Variants in GPC5 observed in about 807,000 individuals in gnomAD.
GPC5 encodes glypican 5.
A neutral mutation model predicts 53.9 loss-of-function variants in GPC5; 47 were observed. The ratio of observed to expected loss-of-function variants is 0.87; its 90% confidence interval spans 0.69 to 1.11. The LOEUF (loss-of-function observed/expected upper bound fraction) is 1.11. Ranked by LOEUF, GPC5 falls within the 50% of genes most tolerant of loss-of-function variation. The pLI is 0.00. For synonymous variants in GPC5, 286 were observed against 263.3 expected, an observed-to-expected ratio of 1.09 and a Z score of -0.84; for missense variants, 748 against 713.1, an observed-to-expected ratio of 1.05 and a Z score of -0.56.
chr13:92,218,097 A>T (rs184323805), intron 7 of GPC5, among the ~76,000 whole-genome samples: 153 of 151,314 alleles, frequency 1.0e-3, no homozygotes, highest in African/African-American at 3.5e-3. Flanking sequence ...CTAATTTTTA[A>T]AAAAAAATTT....
At chr13:91,511,239 T>C (rs1397383365) in intron 2 of GPC5, among the ~76,000 whole-genome samples, 1 of 152,182 alleles carries the variant, frequency 6.6e-6, no homozygotes, top group Non-Finnish European at 1.5e-5. Context: ...AGTGAGAAGA[T>C]AGCTGTAATT....
chr13:91,612,347 A>G (rs1412059166), intron 2 of GPC5, among the ~76,000 whole-genome samples: 1 of 152,220 alleles, frequency 6.6e-6, no homozygotes, highest in Non-Finnish European at 1.5e-5. Flanking sequence ...GCAATGTTGC[A>G]TTTGAAATGC....
chr13:92,809,297 T>A (rs574316814), intron 7 of GPC5, among the ~76,000 whole-genome samples: 34 of 152,294 alleles, frequency 2.2e-4, no homozygotes, highest in South Asian at 2.1e-3. Context: ...ATATAGATAC[T>A]TAAAAGGCAA....
chr13:92,156,473 GCA>G (rs1269459393), intron 7 of GPC5, among the ~76,000 whole-genome samples: 2 of 152,008 alleles, frequency 1.3e-5, no homozygotes, highest in Non-Finnish European at 2.9e-5. Flanking sequence ...TGTTTCTTCT[GCA>G]CACATGCTGA....
Position 92,124,408 on chromosome 13 carries a change from C to A in GPC5, c.1402-20422C>A, listed in dbSNP as rs546111220. On this transcript the variant is annotated intron_variant, in intron 6 of 7. Coordinates refer to ENST00000377067, the MANE Select transcript of GPC5 (RefSeq NM_004466.6). ...TGGTAGAAACTGTTTAAAAAAGGTTCTTTTTACTTGAAATTACACAAGAAA... is the reference window on the plus strand; with the variant it reads ...TGGTAGAAACTGTTTAAAAAAGGTTATTTTTACTTGAAATTACACAAGAAA... Among the ~76,000 whole-genome samples the A allele has an allele frequency of 5.3e-5, 8 of 152,100 alleles. No homozygotes were observed. In the South Asian group the frequency reaches 1.7e-3, roughly 32 times the overall value.
chr13:92,307,072 A>G (rs1326005942), intron 7 of GPC5, among the ~76,000 whole-genome samples: 1 of 152,200 alleles, frequency 6.6e-6, no homozygotes, highest in East Asian at 1.9e-4. Flanking sequence ...GGATATTGGA[A>G]ACGTCTGCTA....
intron 6 of GPC5, among the ~76,000 whole-genome samples, chr13:91,931,113 T>A (rs764421979): frequency 4.6e-5 from 7 of 152,094 alleles, no homozygotes; most frequent in Non-Finnish European, 8.8e-5. Flanking sequence ...CTCCTTCATA[T>A]GATTTTCTAT....
chr13:91,884,616 T>C (rs2039303201), intron 5 of GPC5, among the ~76,000 whole-genome samples: 1 of 152,228 alleles, frequency 6.6e-6, no homozygotes, highest in African/African-American at 2.4e-5. Flanking sequence ...ATCTGAATTG[T>C]ATTTCTGAGA....
In GPC5 at chr13:91,648,239, G is replaced by C. The variant is rs1031614838; in HGVS notation, c.326-44948G>C. On this transcript the variant is annotated intron_variant, in intron 2 of 7. Transcript: ENST00000377067. ...TACAAATTGATTTTATGTCAGGCATGATCCTAGACACTGGAGCACATGTGC... is the reference window on the plus strand; with the variant it reads ...TACAAATTGATTTTATGTCAGGCATCATCCTAGACACTGGAGCACATGTGC... 1.1e-4 allele frequency among the ~76,000 whole-genome samples: 17 copies of C among 152,170 alleles called. 1 individual carries two copies. The highest frequency in any genetic ancestry group is 2.2e-4 in the Non-Finnish European group (15 of 68,030).
chr13:91,548,946 A>G (rs1475395909), intron 2 of GPC5, among the ~76,000 whole-genome samples: 2 of 152,152 alleles, frequency 1.3e-5, no homozygotes, highest in Non-Finnish European at 2.9e-5. Context: ...CACAAAAATC[A>G]ACTCAAAGTG....
At chr13:92,023,108 A>C (rs2040772482) in intron 6 of GPC5, among the ~76,000 whole-genome samples, 2 of 152,132 alleles carry the variant, frequency 1.3e-5, no homozygotes, top group African/African-American at 4.8e-5. Flanking sequence ...TTTTAGAATA[A>C]ACAAAGTGAT....
At chr13:92,097,802 A>C (rs903658236) in intron 6 of GPC5, among the ~76,000 whole-genome samples, 1 of 152,214 alleles carries the variant, frequency 6.6e-6, no homozygotes, top group East Asian at 1.9e-4. Flanking sequence ...CTGTAAATGC[A>C]TGCTATATTT....
intron 3 of GPC5, among the ~76,000 whole-genome samples, chr13:91,714,741 T>C (rs2036298841): frequency 6.6e-6 from 1 of 151,754 alleles, no homozygotes; most frequent in Non-Finnish European, 1.5e-5. Flanking sequence ...AGGAAAAGTC[T>C]ATGGCATTAA....
rs141831145 is a variant in GPC5, at chr13:92,428,555, A to T, written c.1561+283566A>T. 2.7e-3 allele frequency among the ~76,000 whole-genome samples: 412 copies of T among 152,198 alleles called. 3 individuals carry two copies. Among genetic ancestry groups the T allele is most frequent in the African/African-American group, 9.5e-3 (393 of 41,552 alleles). Reference sequence around the variant, plus strand: ...GGGTGTCTGATCATTGTTGGCTCAAATATATCTTGCTCAGAGAAACTGAGT... The same window carrying T: ...GGGTGTCTGATCATTGTTGGCTCAATTATATCTTGCTCAGAGAAACTGAGT... On this transcript the variant is annotated intron_variant, in intron 7 of 7. Coordinates refer to ENST00000377067, the MANE Select transcript of GPC5 (RefSeq NM_004466.6).
At chr13:92,083,030 T>A (rs1223433333) in intron 6 of GPC5, among the ~76,000 whole-genome samples, 1 of 152,158 alleles carries the variant, frequency 6.6e-6, no homozygotes. Flanking sequence ...ATTTATTGAG[T>A]TTATTCCCTT....
At chr13:91,549,224 A>G (rs550314649) in intron 2 of GPC5, among the ~76,000 whole-genome samples, 61 of 151,650 alleles carry the variant, frequency 4.0e-4, no homozygotes, top group African/African-American at 1.4e-3. Context: ...AGCCAAAATC[A>G]TGCCATTGTA....
intron 2 of GPC5, among the ~76,000 whole-genome samples, chr13:91,472,371 TG>T (rs2139183953): frequency 6.6e-6 from 1 of 152,316 alleles, no homozygotes; most frequent in Non-Finnish European, 1.5e-5. Context: ...ACTCTTGTTT[TG>T]CTACTTTAGA....
At chr13:91,503,334 C>T (rs768721415) in intron 2 of GPC5, among the ~76,000 whole-genome samples, 1 of 152,100 alleles carries the variant, frequency 6.6e-6, no homozygotes, top group Non-Finnish European at 1.5e-5. Flanking sequence ...AATAACTCTG[C>T]AATTTATTAA....
chr13:92,812,862 G>A (rs1346018671), intron 7 of GPC5, among the ~76,000 whole-genome samples: 2 of 151,934 alleles, frequency 1.3e-5, no homozygotes, highest in East Asian at 3.9e-4. Flanking sequence ...TGCAAGACTT[G>A]TTTTATACAC....
Sources: gnomAD v4.1 joint callset for allele counts (sites outside exome capture counted in the v4.1 genomes callset) on GRCh38, gnomAD v4.1.1 for gene constraint, MANE v1.5 for transcripts, NCBI Gene and HGNC (gene_info 2026-07-23, HGNC 2026-07-21) for gene names.